The following C8orf34 variants were observed in gnomAD, a reference collection of about 807,000 sequenced individuals.
The protein encoded by C8orf34 is chromosome 8 open reading frame 34, also known as uncharacterized protein C8orf34.
C8orf34 carries 65 observed loss-of-function variants against 68.3 expected under a neutral mutation model. That is an observed-to-expected ratio of 0.95 (90% CI 0.78 to 1.17). C8orf34 has a LOEUF of 1.17. Ranked by LOEUF, C8orf34 falls within the 50% of genes most tolerant of loss-of-function variation. The pLI is 0.00. For missense variants in C8orf34, 664 were observed against 655.4 expected (o/e 1.01, Z -0.14); for synonymous variants, 244 against 241.2 (o/e 1.01, Z -0.11).
At chr8:68,438,883 A>G (rs1481667393) in intron 1 of C8orf34, 8 of 152,268 alleles carry the variant, frequency 5.3e-5, no homozygotes, top group Admixed American at 2.6e-4. Context: ...TAGAGAACTC[A>G]CATTGCTCAA....
chr8:68,553,384 CAA>C (rs553767784), intron 7 of C8orf34, among the ~76,000 whole-genome samples: 3 of 13,652 alleles, frequency 2.2e-4, no homozygotes, highest in Non-Finnish European at 1.6e-4. Flanking sequence ...GACTCCATCT[CAA>C]AAAAAAAAAA....
At chr8:68,575,924 A>G (rs1308190064) in intron 7 of C8orf34, among the ~76,000 whole-genome samples, 1 of 138,364 alleles carries the variant, frequency 7.2e-6, no homozygotes, top group Non-Finnish European at 1.6e-5. Context: ...ACTTTTTGGT[A>G]TGATGAGCTG....
Position 68,780,935 on chromosome 8 carries a change from A to G in C8orf34, c.1455+4486A>G, listed in dbSNP as rs552819233. Among the ~76,000 whole-genome samples the G allele has an allele frequency of 4.6e-5, 7 of 152,362 alleles. No individual in the cohort carries two copies. In the South Asian group the frequency reaches 6.2e-4, roughly 14 times the overall value. On this transcript the variant is annotated intron_variant, in intron 11 of 13. Coordinates refer to ENST00000518698, the MANE Select transcript of C8orf34 (RefSeq NM_052958.4). ...AATTCTTTGTCAGTGGAAGCAGTCC[A>G]TTACATGTATCCAGAGTGGAGTGTG...
chr8:68,764,918 T>C (rs955066900), intron 10 of C8orf34, among the ~76,000 whole-genome samples: 1 of 152,196 alleles, frequency 6.6e-6, no homozygotes. Context: ...TTCCTATCAC[T>C]GAAAGTACAA....
intron 8 of C8orf34, among the ~76,000 whole-genome samples, chr8:68,688,326 C>T (rs115101085): frequency 1.2e-3 from 184 of 151,976 alleles, no homozygotes; most frequent in African/African-American, 3.7e-3. Context: ...CAGCACAATT[C>T]GCAATTGCAA....
chr8:68,539,167 G>C (rs149641868), intron 7 of C8orf34, among the ~76,000 whole-genome samples: 189 of 152,204 alleles, frequency 1.2e-3, no homozygotes, highest in Admixed American at 2.9e-3. Context: ...TATTATTAAG[G>C]TATTGTTGCT....
intron 6 of C8orf34, among the ~76,000 whole-genome samples, chr8:68,522,658 CTA>C (rs1450378483): frequency 6.6e-6 from 1 of 152,074 alleles, no homozygotes; most frequent in Non-Finnish European, 1.5e-5. Context: ...ATTGGAAAAA[CTA>C]TATTCAGAGT....
At chr8:68,547,356 C>T (rs1473045455) in intron 7 of C8orf34, among the ~76,000 whole-genome samples, 1 of 151,694 alleles carries the variant, frequency 6.6e-6, no homozygotes, top group Non-Finnish European at 1.5e-5. Flanking sequence ...TCTAAATAGT[C>T]CCATGTAGGT....
chr8:68,351,651 CA>C (rs2129618564), intron 1 of C8orf34, among the ~76,000 whole-genome samples: 1 of 152,154 alleles, frequency 6.6e-6, no homozygotes, highest in African/African-American at 2.4e-5. Context: ...AGGTTTTGTT[CA>C]CTCCTCTCAT....
At chr8:68,575,523 G>C (rs1490428857) in intron 7 of C8orf34, among the ~76,000 whole-genome samples, 1 of 152,072 alleles carries the variant, frequency 6.6e-6, no homozygotes, top group Non-Finnish European at 1.5e-5. Context: ...AGTTGAGTTT[G>C]CCATTAGAGA....
intron 3 of C8orf34, among the ~76,000 whole-genome samples, chr8:68,456,089 CA>C (rs544998502): frequency 0.067 from 7,940 of 118,604 alleles, 238 homozygotes; most frequent in Middle Eastern, 0.098. Flanking sequence ...ACTAAAAATC[CA>C]AAAAAAAAAA....
intron 10 of C8orf34, among the ~76,000 whole-genome samples, chr8:68,733,718 A>G (rs2129526950): frequency 6.6e-6 from 1 of 152,310 alleles, no homozygotes; most frequent in Admixed American, 6.5e-5. Flanking sequence ...TGATTTTTAT[A>G]GAGTTTCTTA....
At chr8:68,554,115 T>C (rs189737370) in intron 7 of C8orf34, among the ~76,000 whole-genome samples, 1 of 152,300 alleles carries the variant, frequency 6.6e-6, no homozygotes, top group Admixed American at 6.5e-5. Flanking sequence ...TCATCTGAAA[T>C]TTAACCTTTT....
At chr8:68,621,204 G>A (rs1355119540) in intron 7 of C8orf34, among the ~76,000 whole-genome samples, 1 of 152,154 alleles carries the variant, frequency 6.6e-6, no homozygotes, top group Non-Finnish European at 1.5e-5. Context: ...CTGGGACAGT[G>A]GGGACAAAGT....
chr8:68,772,251 TAA>T (rs1450875880), intron 10 of C8orf34, among the ~76,000 whole-genome samples: 5 of 152,216 alleles, frequency 3.3e-5, no homozygotes, highest in South Asian at 2.1e-4. Flanking sequence ...TGTTTGTGAA[TAA>T]ATGTACCCTA....
intron 10 of C8orf34, among the ~76,000 whole-genome samples, chr8:68,760,534 A>C (rs1440082248): frequency 1.3e-5 from 2 of 152,206 alleles, no homozygotes; most frequent in Non-Finnish European, 2.9e-5. Flanking sequence ...TGAATGATTC[A>C]AACCCTTGTG....
At chr8:68,603,521 A>ATATCTATCTATCTATC (rs10542466) in intron 7 of C8orf34, among the ~76,000 whole-genome samples, 13 of 140,492 alleles carry the variant, frequency 9.3e-5, no homozygotes, top group Non-Finnish European at 1.4e-4. Context: ...ATATATACAT[A>ATATCTATCTATCTATC]TATCTATCTA....
intron 1 of C8orf34, among the ~76,000 whole-genome samples, chr8:68,407,257 T>C (rs1172899993): frequency 6.6e-6 from 1 of 152,132 alleles, no homozygotes; most frequent in Non-Finnish European, 1.5e-5. Context: ...AATATTTTTT[T>C]CAAGTAGAAT....
At chr8:68,788,139 AAGTT>A (rs949844448) in intron 12 of C8orf34, among the ~76,000 whole-genome samples, 34 of 152,142 alleles carry the variant, frequency 2.2e-4, no homozygotes, top group African/African-American at 8.2e-4. Flanking sequence ...TCTGGTTGAG[AAGTT>A]AGTATCAAAT....
Sources: gnomAD v4.1 joint callset for allele counts (sites outside exome capture counted in the v4.1 genomes callset) on GRCh38, gnomAD v4.1.1 for gene constraint, MANE v1.5 for transcripts, NCBI Gene and HGNC (gene_info 2026-07-23, HGNC 2026-07-21) for gene names.